The following PDGFRA variants were observed in gnomAD, a reference collection of about 807,000 sequenced individuals.
PDGFRA encodes the protein platelet derived growth factor receptor alpha.
Under a neutral mutation model 121.5 loss-of-function variants are expected in PDGFRA, and 25 were observed. The observed-to-expected ratio is 0.21, with a 90% CI of 0.15 to 0.29. The LOEUF is 0.29. Ranked by LOEUF, PDGFRA falls within the 10% of genes least tolerant of loss-of-function variation. PDGFRA has a pLI of 1.00. For missense variants in PDGFRA, 1,008 were observed against 1,345.1 expected (o/e 0.75, Z 3.92); for synonymous variants, 463 against 494.8 (o/e 0.94, Z 0.85).
chr4:54,293,001 C>A (rs1724706942), intron 22 of PDGFRA, among the ~76,000 whole-genome samples: 1 of 152,098 alleles, frequency 6.6e-6, no homozygotes, highest in Non-Finnish European at 1.5e-5. Context: ...ATCCATGTAA[C>A]CTGCACACGT....
intron 1 of PDGFRA, among the ~76,000 whole-genome samples, chr4:54,244,452 A>C (rs2110197761): frequency 6.6e-6 from 1 of 152,366 alleles, no homozygotes; most frequent in South Asian, 2.1e-4. Context: ...GTACCCAGGC[A>C]AACAGGGTCT....
chr4:54,284,081 G>A (rs1724195751), intron 16 of PDGFRA, among the ~76,000 whole-genome samples: 1 of 152,186 alleles, frequency 6.6e-6, no homozygotes, highest in Admixed American at 6.5e-5. Flanking sequence ...CCTAGGGCAT[G>A]GACATAATGT....
At chr4:54,254,866 G>A (rs1722272796) in intron 1 of PDGFRA, among the ~76,000 whole-genome samples, 1 of 152,298 alleles carries the variant, frequency 6.6e-6, no homozygotes, top group Non-Finnish European at 1.5e-5. Context: ...AATTGCATTT[G>A]GGTTCACAGC....
intron 7 of PDGFRA, among the ~76,000 whole-genome samples, chr4:54,269,274 T>C (rs1173137434): frequency 6.6e-6 from 1 of 152,142 alleles, no homozygotes; most frequent in Non-Finnish European, 1.5e-5. Flanking sequence ...GCCTATGAAA[T>C]GCTTTCACAC....
chr4:54,274,651 G>T (rs1229022390), intron 11 of PDGFRA, 26 bp downstream of exon 11: 1 of 1,566,994 alleles, frequency 6.4e-7, no homozygotes. Flanking sequence ...TAAAACTAAA[G>T]ATCTTTGAAG....
At chr4:54,278,595 T>A (rs988533561) in intron 15 of PDGFRA, 80 bp downstream of exon 15, 1 of 1,401,370 alleles carries the variant, frequency 7.1e-7, no homozygotes, top group Non-Finnish European at 1.0e-6. Context: ...CTGATAGATA[T>A]CATGTCTGCA....
At chr4:54,232,636 G>T (rs1720749627) in intron 1 of PDGFRA, among the ~76,000 whole-genome samples, 2 of 152,334 alleles carry the variant, frequency 1.3e-5, no homozygotes, top group South Asian at 4.1e-4. Context: ...CCAGGCTGAA[G>T]TGCAGTGGTG....
At chr4:54,267,973 T>G (rs1560473618) in intron 7 of PDGFRA, among the ~76,000 whole-genome samples, 1 of 152,166 alleles carries the variant, frequency 6.6e-6, no homozygotes, top group African/African-American at 2.4e-5. Flanking sequence ...CTCTGGCCCC[T>G]GGGGAAAGAC....
intron 2 of PDGFRA, 90 bp downstream of exon 2, chr4:54,258,907 A>G (rs1722528160): frequency 1.0e-6 from 1 of 995,996 alleles, no homozygotes; most frequent in Admixed American, 1.7e-5. Context: ...AGTACTCTGC[A>G]TACACAGTCC....
rs1724592590 is a variant in PDGFRA, at chr4:54,290,787, C to A, written c.3122+233C>A. Among the ~76,000 whole-genome samples, 4 of 152,184 alleles carry A rather than the reference C, an allele frequency of 2.6e-5. No individual in the cohort carries two copies. In the South Asian group the frequency reaches 8.3e-4, roughly 32 times the overall value. ...TGCATGTTGTGGGGAGAGGGACATG[C>A]TTCCCTGGTGGAGAATCTTTGAGCT... On this transcript the variant is annotated intron_variant, in intron 22 of 22. Transcript: ENST00000257290.
intron 14 of PDGFRA, 114 bp from the exon 15 acceptor site, chr4:54,278,248 A>G (rs1223179195): frequency 2.1e-5 from 12 of 563,426 alleles, no homozygotes; most frequent in Non-Finnish European, 3.0e-5. Flanking sequence ...AAAAAAAAAA[A>G]AAAAACTTTT....
chr4:54,261,135 C>T lies in PDGFRA; in HGVS notation c.90C>T (p.Ile30=). 1 of 1,614,146 alleles carries T rather than the reference C, an allele frequency of 6.2e-7. No homozygotes were observed. Among genetic ancestry groups the T allele is most frequent in the African/African-American group, 1.3e-5 (1 of 75,036 alleles). The change falls in exon 3 of 23, where the codon ATC becomes ATT. Residue 30 remains isoleucine, a synonymous_variant. Coordinates refer to ENST00000257290, the MANE Select transcript of PDGFRA (RefSeq NM_006206.6). ...LILCQLSLPS[I]LPNENEKVVQ... Reference sequence around the variant, plus strand: ...TCTGCCAGCTTTCATTACCCTCTATCCTTCCAAATGAAAATGAAAAGGTTG... The same window carrying T: ...TCTGCCAGCTTTCATTACCCTCTATTCTTCCAAATGAAAATGAAAAGGTTG...
chr4:54,280,038 A>G (rs1322533044), intron 15 of PDGFRA, among the ~76,000 whole-genome samples: 1 of 152,202 alleles, frequency 6.6e-6, no homozygotes, highest in Non-Finnish European at 1.5e-5. Context: ...GTGCTGCTAT[A>G]AACATGTGTG....
intron 3 of PDGFRA, among the ~76,000 whole-genome samples, chr4:54,261,923 ATATATATATTTT>A (rs1560467666): frequency 4.0e-5 from 3 of 74,588 alleles, no homozygotes; most frequent in African/African-American, 1.6e-4. Flanking sequence ...ATATATATAT[ATATATATATTTT>A]TTTTTTTTTT....
At chr4:54,242,476 A>G (rs1721359077) in intron 1 of PDGFRA, among the ~76,000 whole-genome samples, 1 of 152,074 alleles carries the variant, frequency 6.6e-6, no homozygotes, top group African/African-American at 2.4e-5. Context: ...ATTTAAAAGG[A>G]TTTTTTAAAG....
rs143705595 is a variant in PDGFRA, at chr4:54,259,428, T to C, written c.49+611T>C. On this transcript the variant is annotated intron_variant, in intron 2 of 22. Coordinates refer to ENST00000257290, the MANE Select transcript of PDGFRA (RefSeq NM_006206.6). ...CTTACATTGCTTCTAAATCTCAGAGTCACCTTTATCTTCTCTAGGAATCAA... is the reference window on the plus strand; with the variant it reads ...CTTACATTGCTTCTAAATCTCAGAGCCACCTTTATCTTCTCTAGGAATCAA... Among the ~76,000 whole-genome samples, 1,082 of 152,282 alleles carry C rather than the reference T, an allele frequency of 7.1e-3. 14 individuals carry two copies. Among genetic ancestry groups the C allele is most frequent in the African/African-American group, 0.025 (1,021 of 41,542 alleles).
Position 54,261,917 on chromosome 4 carries a change from A to T in PDGFRA, c.367+505A>T, listed in dbSNP as rs187489907. ...AAGTTACATATATATATATATATAT[A>T]TATATATATATATATTTTTTTTTTT... On this transcript the variant is annotated intron_variant, in intron 3 of 22. Transcript: ENST00000257290. 1.6e-4 allele frequency among the ~76,000 whole-genome samples: 10 copies of T among 62,982 alleles called. 1 individual carries two copies. Among genetic ancestry groups the T allele is most frequent in the African/African-American group, 4.9e-4 (9 of 18,348 alleles). The allele number at this position is 62,982 out of a possible 152,430, so 41.3% of individuals were successfully genotyped here.
At position 54,267,643 on chromosome 4, in the gene PDGFRA, C is replaced by T. The variant is rs759518864; in HGVS notation, c.1023C>T (p.Ala341=). 3.0e-5 allele frequency: 49 copies of T among 1,613,622 alleles called. No individual in the cohort carries two copies. Among genetic ancestry groups the T allele is most frequent in the Non-Finnish European group, 3.7e-5 (44 of 1,179,630 alleles). ...EVKHFVVEVR[A]YPPPRISWLK... is the part of the protein sequence containing the mutation. ...AACATTTTGTTGTAGAGGTGCGGGCCTACCCACCTCCCAGGATATCCTGGC... is the reference window on the plus strand; with the variant it reads ...AACATTTTGTTGTAGAGGTGCGGGCTTACCCACCTCCCAGGATATCCTGGC... Residue 341 remains alanine (A), a synonymous_variant, in exon 7 of 23, where the codon GCC becomes GCT. Transcript: ENST00000257290.
rs528733623 is a variant in PDGFRA at position 54,231,488 on chromosome 4, C to T, written c.-13+2073C>T. Among the ~76,000 whole-genome samples, 5 of 152,362 alleles carry T rather than the reference C, an allele frequency of 3.3e-5. No homozygotes were observed. The East Asian group carries it at 7.7e-4, about 24-fold the overall frequency. ...GGAGGGGAGGAAGGGGCTCTCCGGG[C>T]GTGCGCACCTCCCCAGCCGCCGCGC... On this transcript the variant is annotated intron_variant, in intron 1 of 22. Coordinates refer to ENST00000257290, the MANE Select transcript of PDGFRA (RefSeq NM_006206.6).
Sources: gnomAD v4.1 joint callset for allele counts (sites outside exome capture counted in the v4.1 genomes callset) on GRCh38, gnomAD v4.1.1 for gene constraint, MANE v1.5 for transcripts, NCBI Gene and HGNC (gene_info 2026-07-23, HGNC 2026-07-21) for gene names.